GPC5: variants seen among roughly 807,000 people sequenced by gnomAD.
GPC5 encodes glypican-5.
GPC5 carries 47 observed loss-of-function variants against 53.9 expected under a neutral mutation model. That is an observed-to-expected ratio of 0.87 (90% CI 0.69 to 1.11). The LOEUF (loss-of-function observed/expected upper bound fraction) is 1.11. Ranked by LOEUF, GPC5 falls within the 50% of genes most tolerant of loss-of-function variation. The probability of loss-of-function intolerance (pLI) is 0.00; values close to 1 mark genes in which losing one functional copy is unlikely to be tolerated. For missense variants in GPC5, 748 were observed against 713.1 expected (o/e 1.05, Z -0.56); for synonymous variants, 286 against 263.3 (o/e 1.09, Z -0.84).
intron 7 of GPC5, among the ~76,000 whole-genome samples, chr13:92,162,422 G>A (rs1376700273): frequency 6.6e-6 from 1 of 152,124 alleles, no homozygotes; most frequent in Non-Finnish European, 1.5e-5. Context: ...CAGTGTGAAA[G>A]GTTTTATTTG....
intron 4 of GPC5, among the ~76,000 whole-genome samples, chr13:91,754,934 G>C (rs1237033933): frequency 6.6e-6 from 1 of 152,026 alleles, no homozygotes; most frequent in East Asian, 1.9e-4. Flanking sequence ...GTCCATCTTT[G>C]CTAAAAACTC....
intron 3 of GPC5, among the ~76,000 whole-genome samples, chr13:91,694,375 T>A (rs1328972589): frequency 6.6e-6 from 1 of 152,172 alleles, no homozygotes. Context: ...CAGTTATATA[T>A]CCCTGAAGTT....
intron 7 of GPC5, among the ~76,000 whole-genome samples, chr13:92,796,489 T>G (rs962948879): frequency 3.9e-5 from 6 of 151,952 alleles, no homozygotes; most frequent in African/African-American, 1.4e-4. Context: ...ACAAGTATCC[T>G]AAAACTTAAA....
intron 7 of GPC5, among the ~76,000 whole-genome samples, chr13:92,821,917 A>T (rs541172961): frequency 6.6e-6 from 1 of 152,144 alleles, no homozygotes; most frequent in South Asian, 2.1e-4. Context: ...AATAATACCC[A>T]TAAATACAAG....
intron 6 of GPC5, among the ~76,000 whole-genome samples, chr13:92,111,309 A>G (rs981794407): frequency 3.9e-5 from 6 of 152,092 alleles, no homozygotes; most frequent in Non-Finnish European, 7.4e-5. Context: ...ACAACAGCTG[A>G]GATTTCTCTT....
intron 7 of GPC5, among the ~76,000 whole-genome samples, chr13:92,146,029 A>G (rs1324520565): frequency 6.6e-6 from 1 of 152,180 alleles, no homozygotes; most frequent in East Asian, 1.9e-4. Flanking sequence ...AAGCCAAAAG[A>G]GGTGCAAAAT....
chr13:92,434,919 C>T (rs1877241290), intron 7 of GPC5, among the ~76,000 whole-genome samples: 1 of 152,052 alleles, frequency 6.6e-6, no homozygotes, highest in Admixed American at 6.6e-5. Flanking sequence ...ATTTGTCCAA[C>T]TAATATTTTT....
chr13:92,103,692 A>G (rs2041484349), intron 6 of GPC5, among the ~76,000 whole-genome samples: 1 of 152,210 alleles, frequency 6.6e-6, no homozygotes, highest in Admixed American at 6.5e-5. Context: ...GCCCTGCAAC[A>G]ATAACTCTCT....
At chr13:92,205,876 C>A (rs538692978) in intron 7 of GPC5, among the ~76,000 whole-genome samples, 1 of 151,724 alleles carries the variant, frequency 6.6e-6, no homozygotes, top group Non-Finnish European at 1.5e-5. Flanking sequence ...GCGAAAGCCC[C>A]GCTCTACTAA....
chr13:91,690,991 C>G (rs913528288), intron 2 of GPC5, among the ~76,000 whole-genome samples: 1 of 152,150 alleles, frequency 6.6e-6, no homozygotes, highest in Non-Finnish European at 1.5e-5. Context: ...TGACCCACTT[C>G]GCGGTTCTTA....
intron 5 of GPC5, among the ~76,000 whole-genome samples, chr13:91,831,368 G>C (rs2138855457): frequency 6.6e-6 from 1 of 151,702 alleles, no homozygotes; most frequent in Middle Eastern, 3.4e-3. Context: ...CCAGATTAAG[G>C]GTGGATCTGC....
chr13:91,766,623 G>A (rs2037529903), intron 5 of GPC5, among the ~76,000 whole-genome samples: 1 of 152,214 alleles, frequency 6.6e-6, no homozygotes. Context: ...AGCGCTTCGG[G>A]AGGCTGAGGT....
chr13:91,601,962 G>T lies in GPC5; in HGVS notation c.326-91225G>T, dbSNP rs115968047. The stretch of plus-strand genomic sequence containing the variant: ...AGGAGTGCTGGGATAGGGTGGCTGG[G>T]AAATGTATTCAGTCTTCAAGCTCTC... On this transcript the variant is annotated intron_variant, in intron 2 of 7. Coordinates refer to ENST00000377067, the MANE Select transcript of GPC5 (RefSeq NM_004466.6). Among the ~76,000 whole-genome samples, 737 of 152,284 alleles carry T rather than the reference G, an allele frequency of 4.8e-3. 2 individuals carry two copies. The highest frequency in any genetic ancestry group is 0.016 in the African/African-American group (659 of 41,554).
chr13:92,708,708 C>T (rs536739397), intron 7 of GPC5, among the ~76,000 whole-genome samples: 3 of 151,722 alleles, frequency 2.0e-5, no homozygotes, highest in Non-Finnish European at 4.4e-5. Flanking sequence ...AGAGACAATA[C>T]GTAAGGTTGG....
Position 91,454,664 on chromosome 13 carries a change from C to T in GPC5, c.325+5742C>T, listed in dbSNP as rs578213967. ...GCATGAATAAATGAATGATACTTAGCAAGAAGACTTGTGAAATAAAACAAG... is the reference window on the plus strand; with the variant it reads ...GCATGAATAAATGAATGATACTTAGTAAGAAGACTTGTGAAATAAAACAAG... On this transcript the variant is annotated intron_variant, in intron 2 of 7. Coordinates refer to ENST00000377067, the MANE Select transcript of GPC5 (RefSeq NM_004466.6). Among the ~76,000 whole-genome samples the T allele has an allele frequency of 1.2e-4, 18 of 152,146 alleles. No individual in the cohort carries two copies. The East Asian group carries it at 3.5e-3, about 29-fold the overall frequency.
At chr13:92,453,140 A>C (rs893723057) in intron 7 of GPC5, among the ~76,000 whole-genome samples, 25 of 152,192 alleles carry the variant, frequency 1.6e-4, no homozygotes, top group African/African-American at 5.8e-4. Flanking sequence ...TTCTAGAATA[A>C]TATGTAAAGG....
chr13:92,034,582 C>T (rs1310819019), intron 6 of GPC5, among the ~76,000 whole-genome samples: 2 of 152,050 alleles, frequency 1.3e-5, no homozygotes, highest in Non-Finnish European at 1.5e-5. Context: ...AGTGCAAGGG[C>T]AGGAGATTTG....
chr13:91,921,586 A>G (rs1376846211), intron 6 of GPC5, among the ~76,000 whole-genome samples: 4 of 152,200 alleles, frequency 2.6e-5, no homozygotes, highest in Non-Finnish European at 5.9e-5. Context: ...TAAAAAAATC[A>G]GTATAGTATT....
At chr13:91,514,801 C>G (rs976344721) in intron 2 of GPC5, among the ~76,000 whole-genome samples, 2 of 152,106 alleles carry the variant, frequency 1.3e-5, no homozygotes. Context: ...CTGGATTGGT[C>G]ACCATTATTT....
Sources: gnomAD v4.1 joint callset for allele counts (sites outside exome capture counted in the v4.1 genomes callset) on GRCh38, gnomAD v4.1.1 for gene constraint, MANE v1.5 for transcripts, NCBI Gene and HGNC (gene_info 2026-07-23, HGNC 2026-07-21) for gene names.